Variants in HLA-DRA observed in about 807,000 individuals in gnomAD.
The protein encoded by HLA-DRA is major histocompatibility complex, class II, DR alpha.
HLA-DRA carries 8 observed loss-of-function variants against 22.1 expected under a neutral mutation model. The observed-to-expected ratio is 0.36, with a 90% CI of 0.21 to 0.65. HLA-DRA has a LOEUF of 0.65. HLA-DRA is among the 30% of genes least tolerant of loss of function. The probability of loss-of-function intolerance (pLI) is 0.63; values close to 1 mark genes in which losing one functional copy is unlikely to be tolerated. For missense variants in HLA-DRA, 248 were observed against 321.3 expected (o/e 0.77, Z 1.74); for synonymous variants, 101 against 117.1 (o/e 0.86, Z 0.89).
At chr6:32,444,400 AGAGGC>A (rs1158344214) in intron 4 of HLA-DRA, among the ~76,000 whole-genome samples, 1 of 152,200 alleles carries the variant, frequency 6.6e-6, no homozygotes, top group Non-Finnish European at 1.5e-5. Flanking sequence ...GGAATCTCTT[AGAGGC>A]CAATGCCTGC....
At chr6:32,441,528 A>G (rs6926374) in intron 1 of HLA-DRA, among the ~76,000 whole-genome samples, 74,337 of 152,092 alleles carry the variant, frequency 0.49, 18,824 homozygotes, top group East Asian at 0.66. Context: ...AATGTCAATC[A>G]TAACAGAACA....
At chr6:32,440,798 A>T (rs990243745) in intron 1 of HLA-DRA, among the ~76,000 whole-genome samples, 2 of 152,240 alleles carry the variant, frequency 1.3e-5, no homozygotes, top group African/African-American at 4.8e-5. Flanking sequence ...GATGTACTGT[A>T]GAAAAGTATT....
At chr6:32,442,085 A>T (rs1182669809) in intron 1 of HLA-DRA, among the ~76,000 whole-genome samples, 1 of 152,212 alleles carries the variant, frequency 6.6e-6, no homozygotes, top group African/African-American at 2.4e-5. Flanking sequence ...TGCCCGGGTA[A>T]AGAAAGTGAG....
At chr6:32,443,620 C>T in intron 3 of HLA-DRA, 136 bp from the exon 4 acceptor site, 1 of 1,128,158 alleles carries the variant, frequency 8.9e-7, no homozygotes, top group Admixed American at 2.3e-5. Flanking sequence ...ATCTGTAATT[C>T]TCTCAATACA....
intron 3 of HLA-DRA, 114 bp from the exon 4 acceptor site, chr6:32,443,642 T>C: frequency 8.3e-7 from 1 of 1,201,898 alleles, no homozygotes; most frequent in East Asian, 2.4e-5. Context: ...CATTCTGTCT[T>C]CCTCTTCTTT....
intron 4 of HLA-DRA, among the ~76,000 whole-genome samples, chr6:32,444,414 G>C (rs1471995246): frequency 6.6e-6 from 1 of 152,116 alleles, no homozygotes; most frequent in Non-Finnish European, 1.5e-5. Flanking sequence ...GCCAATGCCT[G>C]CTTTTGCTTC....
rs1762672496 is a variant in HLA-DRA, at chr6:32,442,376, G to A, written c.83-72G>A. ...TCTCTCCACTACTTCCTGCCTACAT[G>A]TATGTAGGTTATTCATTTCCCTCTC... On this transcript the variant is annotated intron_variant, in intron 1 of 4. Coordinates refer to ENST00000395388, the MANE Select transcript of HLA-DRA (RefSeq NM_019111.5). The A allele has an allele frequency of 3.9e-6, 6 of 1,546,918 alleles. No individual in the cohort carries two copies. The South Asian group carries it at 6.9e-5, about 18-fold the overall frequency.
At chr6:32,443,145 T>C (rs777114152) in intron 2 of HLA-DRA, 40 bp from the exon 3 acceptor site, 4 of 1,574,878 alleles carry the variant, frequency 2.5e-6, no homozygotes, top group African/African-American at 2.7e-5. Flanking sequence ...GCCTAAGCAG[T>C]GATGGCTGAT....
intron 1 of HLA-DRA, 91 bp downstream of exon 1, chr6:32,440,123 A>G: frequency 9.0e-7 from 1 of 1,113,524 alleles, no homozygotes; most frequent in Non-Finnish European, 1.4e-6. Context: ...GTGTGGAGTG[A>G]AAGAATAGTG....
chr6:32,444,535 T>C (rs1173605154), intron 4 of HLA-DRA, 117 bp from the exon 5 acceptor site: 2 of 152,122 alleles, frequency 1.3e-5, no homozygotes, highest in Non-Finnish European at 2.9e-5. Flanking sequence ...AAAGGTTAGA[T>C]GAACATTGAA....
At chr6:32,443,511 ATGATGCTTGTG>A in intron 3 of HLA-DRA, 45 bp downstream of exon 3, 2 of 1,546,042 alleles carry the variant, frequency 1.3e-6, no homozygotes, top group Non-Finnish European at 1.8e-6. Context: ...GTTTCCTCCT[ATGATGCTTGTG>A]TGAAACTCGG....
Position 32,442,549 on chromosome 6 carries a change from G to A in HLA-DRA, c.184G>A (p.Ala62Thr), listed in dbSNP as rs779773110. ...DGDEIFHVDM[A>T]KKETVWRLEE... is the part of the protein sequence containing the mutation. ...TGATGAGATTTTCCATGTGGATATG[G>A]CAAAGAAGGAGACGGTCTGGCGGCT... The change falls in exon 2 of 5, where the codon GCA becomes ACA. Residue 62 changes from alanine to threonine, a missense_variant. Transcript: ENST00000395388. 2 of 1,612,944 alleles carry A rather than the reference G, an allele frequency of 1.2e-6. No homozygotes were observed. Among genetic ancestry groups the A allele is most frequent in the Non-Finnish European group, 8.5e-7 (1 of 1,180,048 alleles).
chr6:32,442,026 A>G (rs886924835), intron 1 of HLA-DRA, among the ~76,000 whole-genome samples: 1 of 152,194 alleles, frequency 6.6e-6, no homozygotes, highest in Non-Finnish European at 1.5e-5. Flanking sequence ...CTTAGAGTAC[A>G]ATGTTCTGAG....
chr6:32,440,181 T>C (rs774197547), intron 1 of HLA-DRA, 149 bp downstream of exon 1: 1 of 777,198 alleles, frequency 1.3e-6, no homozygotes, highest in Non-Finnish European at 2.2e-6. Flanking sequence ...AATTGTGGTT[T>C]GGTGGAGTTC....
chr6:32,441,885 T>A lies in HLA-DRA; in HGVS notation c.83-563T>A, dbSNP rs16822599. 4.2e-3 allele frequency among the ~76,000 whole-genome samples: 646 copies of A among 152,286 alleles called. 26 individuals carry two copies. In the East Asian group the frequency reaches 0.074, roughly 17 times the overall value. On this transcript the variant is annotated intron_variant, in intron 1 of 4. Transcript: ENST00000395388. ...GGATCAAAACCACAGCAGGGCTACATAATAGGAAAACTATACATAAATAGG... is the reference window on the plus strand; with the variant it reads ...GGATCAAAACCACAGCAGGGCTACAAAATAGGAAAACTATACATAAATAGG...
At chr6:32,440,801 A>G (rs1021575475) in intron 1 of HLA-DRA, among the ~76,000 whole-genome samples, 3 of 152,194 alleles carry the variant, frequency 2.0e-5, no homozygotes, top group Admixed American at 1.3e-4. Context: ...GTACTGTAGA[A>G]AAGTATTCTT....
intron 1 of HLA-DRA, 83 bp downstream of exon 1, chr6:32,440,115 G>A: frequency 8.4e-7 from 1 of 1,184,430 alleles, no homozygotes; most frequent in Non-Finnish European, 1.3e-6. Context: ...AAGATAATGT[G>A]TGGAGTGAAA....
intron 1 of HLA-DRA, among the ~76,000 whole-genome samples, chr6:32,441,305 C>A (rs1762601916): frequency 6.6e-6 from 1 of 152,186 alleles, no homozygotes; most frequent in Admixed American, 6.5e-5. Context: ...TTGCAGTGAG[C>A]TGAGATGGTG....
At chr6:32,441,170 A>G (rs1438725929) in intron 1 of HLA-DRA, among the ~76,000 whole-genome samples, 1 of 152,210 alleles carries the variant, frequency 6.6e-6, no homozygotes, top group Non-Finnish European at 1.5e-5. Flanking sequence ...CGTCCTGGGC[A>G]ACATGGTGAA....
Sources: allele counts gnomAD v4.1 joint callset (sites outside exome capture counted in the v4.1 genomes callset), GRCh38; gene constraint gnomAD v4.1.1; transcripts MANE v1.5; gene names NCBI Gene and HGNC (gene_info 2026-07-23, HGNC 2026-07-21).